The following PIWIL4 variants were observed in gnomAD, a reference collection of about 807,000 sequenced individuals.
PIWIL4 encodes the protein piwi-like protein 4.
A neutral mutation model predicts 100.9 loss-of-function variants in PIWIL4; 50 were observed. The observed-to-expected ratio is 0.50, with a 90% CI of 0.39 to 0.63. The LOEUF (loss-of-function observed/expected upper bound fraction) is 0.63, where lower values mean the gene tolerates loss of function less well. PIWIL4 is among the 20% of genes least tolerant of loss of function. The pLI is 0.00. For missense variants in PIWIL4, 887 were observed against 1,043.3 expected (o/e 0.85, Z 2.06); for synonymous variants, 342 against 367.5 (o/e 0.93, Z 0.79).
In PIWIL4 at chr11:94,567,384, C is replaced by A; in HGVS notation, c.-135C>A. The stretch of plus-strand genomic sequence containing the variant: ...GCCTCGGACGCATTTCCAGCCCCGG[C>A]GTTGGTTGTGGATGCTGGACATCCA... On this transcript the variant is annotated 5_prime_UTR_variant, in exon 1 of 20. Transcript: ENST00000299001. 1.3e-6 allele frequency: 1 copy of A among 763,034 alleles called. No individual in the cohort carries two copies. The highest frequency in any genetic ancestry group is 2.0e-6 in the Non-Finnish European group (1 of 507,864). 47.3% of individuals were successfully genotyped at this position (763,034 alleles called of 1,614,324 possible).
rs548080215 is a variant in PIWIL4, at chr11:94,601,945, G to C, written c.1531G>C (p.Gly511Arg). 1.9e-6 allele frequency: 3 copies of C among 1,612,002 alleles called. No homozygotes were observed. In the East Asian group the frequency reaches 6.7e-5, roughly 36 times the overall value. Residue 511 changes from glycine (G) to arginine (R), a missense_variant, in exon 12 of 20, where the codon GGT (glycine) becomes CGT (arginine). By Grantham distance (125) the Gly-to-Arg change is moderately radical. This residue lies in a region of PIWIL4 where 741 missense variants were observed against 930.0 expected (regional missense o/e 0.80). Coordinates refer to ENST00000299001, the MANE Select transcript of PIWIL4 (RefSeq NM_152431.3). ...TCTGAACTGCTTGAGAAGAGTTGCA[G>C]GTTCCATGGGATTTAATGTGGACTA... is the stretch of plus-strand genomic sequence containing the variant. ...SFLNCLRRVA[G>R]SMGFNVDYPK... is the part of the protein sequence containing the mutation.
chr11:94,609,278 G>C (rs656730), intron 15 of PIWIL4, among the ~76,000 whole-genome samples: 1 of 152,024 alleles, frequency 6.6e-6, no homozygotes, highest in Non-Finnish European at 1.5e-5. Context: ...GACATTTGAC[G>C]TGGCTGTTGT....
At chr11:94,569,160 AT>A (rs1415728760) in intron 2 of PIWIL4, among the ~76,000 whole-genome samples, 2 of 152,242 alleles carry the variant, frequency 1.3e-5, no homozygotes, top group Non-Finnish European at 2.9e-5. Context: ...AAAATAAATC[AT>A]TATATCAAAA....
chr11:94,592,581 A>G (rs1193293648), intron 8 of PIWIL4, among the ~76,000 whole-genome samples: 5 of 152,186 alleles, frequency 3.3e-5, no homozygotes, highest in Non-Finnish European at 5.9e-5. Context: ...TTTTATTTTA[A>G]TGACAAAGTT....
Position 94,621,198 on chromosome 11 carries a change from A to T in PIWIL4, c.*206A>T. ...TTTTAAAGAGTTGTATGCTTGGGGTAAATTTTCATTGTCATATGTGGAATT... is the reference window on the plus strand; with the variant it reads ...TTTTAAAGAGTTGTATGCTTGGGGTTAATTTTCATTGTCATATGTGGAATT... On this transcript the variant is annotated 3_prime_UTR_variant, in exon 20 of 20. Transcript: ENST00000299001. 1 of 500,352 alleles carries T rather than the reference A, an allele frequency of 2.0e-6. No homozygotes were observed. Among genetic ancestry groups the T allele is most frequent in the Non-Finnish European group, 3.6e-6 (1 of 281,202 alleles). 31.0% of individuals were successfully genotyped at this position (500,352 alleles called of 1,614,324 possible).
chr11:94,570,014 T>C (rs2508461), intron 2 of PIWIL4, among the ~76,000 whole-genome samples: 1 of 152,150 alleles, frequency 6.6e-6, no homozygotes, highest in Non-Finnish European at 1.5e-5. Context: ...CCAATGCCAT[T>C]GCTTGGAAGG....
In PIWIL4 at chr11:94,585,432, A is replaced by C; in HGVS notation, c.636-13A>C. On this transcript the variant is annotated splice_polypyrimidine_tract_variant and intron_variant, in intron 5 of 19. Transcript: ENST00000299001. Reference sequence around the variant, plus strand: ...CTGATATTTACCAAAAATTCAAAAAAATATACTTGCAGGATCCTCAAAAAG... The same window carrying C: ...CTGATATTTACCAAAAATTCAAAAACATATACTTGCAGGATCCTCAAAAAG... The C allele has an allele frequency of 1.3e-6, 2 of 1,598,030 alleles. No homozygotes were observed. The highest frequency in any genetic ancestry group is 1.7e-6 in the Non-Finnish European group (2 of 1,171,774).
chr11:94,617,921 T>G (rs1194581961), intron 16 of PIWIL4, 33 bp from the exon 17 acceptor site: 3 of 1,603,654 alleles, frequency 1.9e-6, no homozygotes, highest in Non-Finnish European at 2.6e-6. Context: ...ATTAGAAAAG[T>G]AATTCTTTTC....
At chr11:94,616,703 C>T in intron 16 of PIWIL4, 140 bp downstream of exon 16, 1 of 619,164 alleles carries the variant, frequency 1.6e-6, no homozygotes, top group Non-Finnish European at 2.8e-6. Flanking sequence ...TTGAAGATCT[C>T]TGAAGCTGCA....
Position 94,619,815 on chromosome 11 carries a change from G to A in PIWIL4, c.2224G>A (p.Glu742Lys), listed in dbSNP as rs766849717. 33 of 1,614,024 alleles carry A rather than the reference G, an allele frequency of 2.0e-5. No homozygotes were observed. Among genetic ancestry groups the A allele is most frequent in the East Asian group, 8.9e-5 (4 of 44,898 alleles). The change falls in exon 18 of 20, where the codon GAA becomes AAA. Residue 742 changes from glutamate to lysine, a missense_variant. Around this residue, in one of 2 missense-constraint regions of PIWIL4, gnomAD observed 741 missense variants for 930.0 expected, o/e 0.80. Coordinates refer to ENST00000299001, the MANE Select transcript of PIWIL4 (RefSeq NM_152431.3). ...GAAGTGCATGCCACGATTCTTTACCGAAATGAACCGCACTGTACAGAACCC... is the reference window on the plus strand; with the variant it reads ...GAAGTGCATGCCACGATTCTTTACCAAAATGAACCGCACTGTACAGAACCC... ...RKKCMPRFFT[E>K]MNRTVQNPPL...
At chr11:94,608,326 A>G (rs1398814734) in intron 14 of PIWIL4, 1 of 361,140 alleles carries the variant, frequency 2.8e-6, no homozygotes, top group Non-Finnish European at 5.1e-6. Flanking sequence ...CCCCTTCCCC[A>G]CCCCACAAAG....
chr11:94,618,534 A>G (rs1948870417), intron 17 of PIWIL4, among the ~76,000 whole-genome samples: 1 of 152,216 alleles, frequency 6.6e-6, no homozygotes, highest in African/African-American at 2.4e-5. Flanking sequence ...CTTAAGGTCT[A>G]TGGAAGGTTC....
chr11:94,602,087 T>G (rs1396230715), intron 12 of PIWIL4, 108 bp downstream of exon 12: 4 of 1,027,996 alleles, frequency 3.9e-6, no homozygotes, highest in Non-Finnish European at 4.2e-6. Context: ...AGTTTCCTAA[T>G]GTAAAGTGCC....
At chr11:94,611,248 C>T (rs1948784746) in intron 15 of PIWIL4, among the ~76,000 whole-genome samples, 1 of 152,154 alleles carries the variant, frequency 6.6e-6, no homozygotes, top group South Asian at 2.1e-4. Flanking sequence ...ACCATCCATT[C>T]TTACATCCCA....
intron 9 of PIWIL4, 47 bp downstream of exon 9, chr11:94,593,688 C>G (rs757027836): frequency 3.2e-5 from 51 of 1,596,646 alleles, no homozygotes; most frequent in Non-Finnish European, 4.2e-5. Flanking sequence ...GATACAGGCC[C>G]CTGATGCTTG....
rs111416372 is a variant in PIWIL4 at position 94,583,382 on chromosome 11, A to G, written c.514-66A>G. ...ATGCATATTACATTGTGATGGCTTT[A>G]TAATCTGCATTCTGCACACTTGGGG... is the stretch of plus-strand genomic sequence containing the variant. On this transcript the variant is annotated intron_variant, in intron 4 of 19. Coordinates refer to ENST00000299001, the MANE Select transcript of PIWIL4 (RefSeq NM_152431.3). The G allele has an allele frequency of 5.5e-3, 8,507 of 1,557,626 alleles. 41 individuals carry two copies. The highest frequency in any genetic ancestry group is 6.0e-3 in the Non-Finnish European group (6,811 of 1,138,204).
At chr11:94,614,304 T>TC (rs957741199) in intron 15 of PIWIL4, among the ~76,000 whole-genome samples, 8 of 149,616 alleles carry the variant, frequency 5.3e-5, no homozygotes, top group South Asian at 2.1e-4. Flanking sequence ...TCTTTTCTTT[T>TC]TTTTTTTTTT....
At chr11:94,580,591 A>G (rs1105465) in intron 4 of PIWIL4, among the ~76,000 whole-genome samples, 18,481 of 152,200 alleles carry the variant, frequency 0.12, 1,200 homozygotes, top group South Asian at 0.19. Context: ...GCAAACAAAG[A>G]TAAATAAAAC....
chr11:94,575,104 T>C lies in PIWIL4; in HGVS notation c.272T>C (p.Leu91Ser), dbSNP rs1345087226. 2.5e-6 allele frequency: 4 copies of C among 1,613,744 alleles called. No homozygotes were observed. The highest frequency in any genetic ancestry group is 3.4e-6 in the Non-Finnish European group (4 of 1,179,908). The change falls in exon 3 of 20, where the codon TTG (leucine) becomes TCG (serine). Residue 91 changes from leucine to serine, a missense_variant. Leu to Ser is a moderately radical substitution (Grantham distance 145). Coordinates refer to ENST00000299001, the MANE Select transcript of PIWIL4 (RefSeq NM_152431.3). The part of the protein sequence containing the change: ...MDLSICTREK[L>S]AHVRNCKTGS... ...TTGAGTATCTGTACCAGAGAAAAAT[T>C]GGCACATGTGAGAAATTGTAAAACA... is the stretch of plus-strand genomic sequence containing the variant.
Sources: gnomAD v4.1 joint callset for allele counts (sites outside exome capture counted in the v4.1 genomes callset) on GRCh38, gnomAD v4.1.1 for gene constraint, gnomAD v4.1.1 regional missense constraint, MANE v1.5 for transcripts, NCBI Gene and HGNC (gene_info 2026-07-23, HGNC 2026-07-21) for gene names.